The following CHL1 variants were observed in gnomAD, a reference collection of about 807,000 sequenced individuals.
The protein encoded by CHL1 is cell adhesion molecule L1 like.
CHL1 carries 96 observed loss-of-function variants against 141.9 expected under a neutral mutation model. The observed-to-expected ratio is 0.68, with a 90% CI of 0.57 to 0.80. The LOEUF (loss-of-function observed/expected upper bound fraction) is 0.80. CHL1 is among the 30% of genes least tolerant of loss of function. The pLI is 0.00. For missense variants in CHL1, 1,820 were observed against 1,457.2 expected, an observed-to-expected ratio of 1.25 and a Z score of -4.05; for synonymous variants, 613 against 502.2, an observed-to-expected ratio of 1.22 and a Z score of -2.95.
At chr3:227,229 G>T (rs574322096) in intron 1 of CHL1, among the ~76,000 whole-genome samples, 2 of 152,138 alleles carry the variant, frequency 1.3e-5, no homozygotes, top group South Asian at 4.2e-4. Context: ...CCTGTTTTCT[G>T]TTGAACTATT....
chr3:309,953 G>A (rs1699616799), intron 2 of CHL1, among the ~76,000 whole-genome samples: 1 of 152,074 alleles, frequency 6.6e-6, no homozygotes, highest in African/African-American at 2.4e-5. Context: ...CTCAATGAGA[G>A]TCATTTTTCT....
At chr3:220,955 A>G (rs1263754403) in intron 1 of CHL1, among the ~76,000 whole-genome samples, 1 of 152,162 alleles carries the variant, frequency 6.6e-6, no homozygotes, top group Non-Finnish European at 1.5e-5. Flanking sequence ...CCTCATCTGG[A>G]TAGAACCTTG....
intron 1 of CHL1, among the ~76,000 whole-genome samples, chr3:240,907 A>G (rs1408188467): frequency 2.0e-5 from 3 of 152,124 alleles, no homozygotes; most frequent in Non-Finnish European, 4.4e-5. Context: ...AGTTGGCTGT[A>G]AGTATTTGGG....
At chr3:309,692 C>G (rs544490094) in intron 2 of CHL1, among the ~76,000 whole-genome samples, 7 of 151,880 alleles carry the variant, frequency 4.6e-5, no homozygotes, top group African/African-American at 1.7e-4. Flanking sequence ...AAAAGAAAAT[C>G]TTTGTAGAGA....
chr3:249,960 GA>G (rs540627692), intron 2 of CHL1, among the ~76,000 whole-genome samples: 2 of 150,762 alleles, frequency 1.3e-5, no homozygotes, highest in East Asian at 1.9e-4. Context: ...AGATTAATAG[GA>G]AAAAAAAGCA....
At chr3:298,150 C>A (rs753480437) in intron 2 of CHL1, among the ~76,000 whole-genome samples, 1 of 152,092 alleles carries the variant, frequency 6.6e-6, no homozygotes, top group Non-Finnish European at 1.5e-5. Context: ...GTATATCCAA[C>A]GAGATCTCTC....
chr3:291,447 TTTCTTTTTCTTTTTC>T (rs1697687650), intron 2 of CHL1, among the ~76,000 whole-genome samples: 1 of 146,446 alleles, frequency 6.8e-6, no homozygotes, highest in South Asian at 2.3e-4. Flanking sequence ...CTTCTTTTCT[TTTCTTTTTCTTTTTC>T]TTTTTTTTAA....
intron 10 of CHL1, among the ~76,000 whole-genome samples, chr3:352,012 C>T (rs1703308843): frequency 6.6e-6 from 1 of 152,044 alleles, no homozygotes; most frequent in African/African-American, 2.4e-5. Flanking sequence ...TAAGCTCCCA[C>T]CAATAATTTT....
At chr3:216,469 G>T (rs538899857) in intron 1 of CHL1, among the ~76,000 whole-genome samples, 97 of 152,204 alleles carry the variant, frequency 6.4e-4, no homozygotes, top group Non-Finnish European at 1.2e-3. Context: ...CTGAAACGTT[G>T]TACCAGAATA....
chr3:290,701 T>C (rs1697606860), intron 2 of CHL1, among the ~76,000 whole-genome samples: 2 of 152,260 alleles, frequency 1.3e-5, no homozygotes, highest in Non-Finnish European at 2.9e-5. Context: ...CTTTCCTCAT[T>C]TGGAACTTTA....
At chr3:236,525 ATG>A (rs2125066750) in intron 1 of CHL1, among the ~76,000 whole-genome samples, 1 of 152,284 alleles carries the variant, frequency 6.6e-6, no homozygotes, top group African/African-American at 2.4e-5. Context: ...CTGGCCAAAA[ATG>A]TGTCTCTCCG....
chr3:223,080 T>A (rs1303667820), intron 1 of CHL1, among the ~76,000 whole-genome samples: 1 of 152,182 alleles, frequency 6.6e-6, no homozygotes, highest in Non-Finnish European at 1.5e-5. Context: ...CACCTTACAT[T>A]TGCAAAGTCC....
chr3:324,456 A>C lies in CHL1; in HGVS notation c.92-1503A>C, dbSNP rs150813566. 2.6e-5 allele frequency among the ~76,000 whole-genome samples: 4 copies of C among 152,222 alleles called. No homozygotes were observed. In the East Asian group the frequency reaches 7.7e-4, roughly 29 times the overall value. On this transcript the variant is annotated intron_variant, in intron 3 of 27. Coordinates refer to ENST00000256509, the MANE Select transcript of CHL1 (RefSeq NM_006614.4). The stretch of plus-strand genomic sequence containing the variant: ...TGAAAAATATTGAGTGCTCATCAGC[A>C]GTAGATCTTTACACACTTCATGATC...
chr3:215,328 C>T (rs1207723135), intron 1 of CHL1, among the ~76,000 whole-genome samples: 2 of 152,078 alleles, frequency 1.3e-5, no homozygotes, highest in African/African-American at 4.8e-5. Flanking sequence ...ACTAATATCC[C>T]ACGTTCTCAC....
chr3:376,679 T>G (rs899275970), intron 15 of CHL1, among the ~76,000 whole-genome samples: 25 of 152,232 alleles, frequency 1.6e-4, no homozygotes, highest in Non-Finnish European at 1.5e-5. Flanking sequence ...TAAAGTATAT[T>G]CTTTCATCTA....
chr3:391,119 T>A lies in CHL1; in HGVS notation c.2751T>A (p.Gly917=). The A allele has an allele frequency of 1.9e-6, 3 of 1,613,830 alleles. No individual in the cohort carries two copies. Residue 917 remains glycine, a synonymous_variant, in exon 22 of 28, where the codon GGT becomes GGA. Transcript: ENST00000256509. ...TVLAYNSKGA[G]PESEPYIFQT... ...TAGCCTATAACTCTAAAGGAGCTGG[T>A]CCTGAAAGTGAGCCTTATATATTTC... is the stretch of plus-strand genomic sequence containing the variant.
intron 5 of CHL1, among the ~76,000 whole-genome samples, chr3:334,575 T>C (rs186633933): frequency 2.3e-4 from 35 of 152,374 alleles, no homozygotes; most frequent in African/African-American, 8.4e-4. Context: ...TAGCATGTTT[T>C]GGAGGTTCAT....
intron 15 of CHL1, chr3:376,406 C>T (rs3773380): frequency 0.38 from 196,663 of 512,552 alleles, 39,647 homozygotes; most frequent in African/African-American, 0.52. Context: ...GGCTGGAACA[C>T]GACATTTTTA....
At chr3:348,649 T>A (rs940098984) in intron 9 of CHL1, among the ~76,000 whole-genome samples, 6 of 152,226 alleles carry the variant, frequency 3.9e-5, no homozygotes, top group Non-Finnish European at 7.3e-5. Flanking sequence ...ATGCTGGTTT[T>A]GTTTTGTCTT....
Sources: allele counts gnomAD v4.1 joint callset (sites outside exome capture counted in the v4.1 genomes callset), GRCh38; gene constraint gnomAD v4.1.1; transcripts MANE v1.5; gene names NCBI Gene and HGNC (gene_info 2026-07-23, HGNC 2026-07-21).